The following RIMS2 variants were observed in gnomAD, a reference collection of about 807,000 sequenced individuals.
RIMS2 encodes the protein regulating synaptic membrane exocytosis 2.
RIMS2 carries 59 observed loss-of-function variants against 174.4 expected under a neutral mutation model. The observed-to-expected ratio is 0.34, with a 90% CI of 0.27 to 0.42. The LOEUF (loss-of-function observed/expected upper bound fraction) is 0.42, where lower values mean the gene tolerates loss of function less well. RIMS2 is among the 10% of genes least tolerant of loss of function. The pLI, the probability that RIMS2 is intolerant of heterozygous loss-of-function variation, is 1.00. For missense variants in RIMS2, 1,620 were observed against 1,666.3 expected, an observed-to-expected ratio of 0.97 and a Z score of 0.48; for synonymous variants, 606 against 572.5, an observed-to-expected ratio of 1.06 and a Z score of -0.84.
intron 3 of RIMS2, among the ~76,000 whole-genome samples, chr8:103,780,027 T>C (rs1473577091): frequency 6.6e-6 from 1 of 152,164 alleles, no homozygotes; most frequent in Non-Finnish European, 1.5e-5. Context: ...TTGGTTACCA[T>C]AGCTTTGTAG....
intron 2 of RIMS2, among the ~76,000 whole-genome samples, chr8:103,751,245 T>C (rs914701454): frequency 2.6e-5 from 4 of 152,076 alleles, no homozygotes; most frequent in Admixed American, 2.0e-4. Flanking sequence ...TGGTTTCCAG[T>C]TTCATCCATG....
chr8:104,022,813 C>A (rs562623485), intron 19 of RIMS2, among the ~76,000 whole-genome samples: 24 of 152,254 alleles, frequency 1.6e-4, no homozygotes, highest in African/African-American at 5.8e-4. Context: ...TTGTTTTTAT[C>A]ATTTATATGA....
intron 4 of RIMS2, among the ~76,000 whole-genome samples, chr8:103,904,174 T>C (rs1038177465): frequency 1.3e-5 from 2 of 152,150 alleles, no homozygotes; most frequent in Admixed American, 6.5e-5. Context: ...ATTTAGAGAA[T>C]GATATATGAA....
intron 19 of RIMS2, among the ~76,000 whole-genome samples, chr8:104,185,853 A>G (rs1159962419): frequency 7.3e-5 from 11 of 151,722 alleles, no homozygotes; most frequent in Admixed American, 6.6e-4. Context: ...TCGAATTACC[A>G]TTCAATCCAG....
intron 1 of RIMS2, among the ~76,000 whole-genome samples, chr8:103,523,920 A>G (rs1411748126): frequency 6.6e-6 from 1 of 152,172 alleles, no homozygotes; most frequent in African/African-American, 2.4e-5. Context: ...TATGAGTTAT[A>G]ATTCCTATTT....
At chr8:103,675,778 C>T (rs1426296) in intron 1 of RIMS2, among the ~76,000 whole-genome samples, 26,891 of 151,932 alleles carry the variant, frequency 0.18, 2,583 homozygotes, top group African/African-American at 0.24. Context: ...ATAACACATA[C>T]AGACTTGCAG....
intron 1 of RIMS2, among the ~76,000 whole-genome samples, chr8:103,640,940 A>C (rs951149374): frequency 3.3e-5 from 5 of 152,122 alleles, no homozygotes; most frequent in Non-Finnish European, 5.9e-5. Flanking sequence ...AATTATTGAT[A>C]GCTGTGTAAA....
intron 19 of RIMS2, among the ~76,000 whole-genome samples, chr8:104,137,848 C>T (rs952202819): frequency 6.6e-6 from 1 of 152,092 alleles, no homozygotes; most frequent in Non-Finnish European, 1.5e-5. Flanking sequence ...ACTACAGTCA[C>T]CCTGTTGTGC....
intron 17 of RIMS2, among the ~76,000 whole-genome samples, chr8:103,995,906 A>C (rs1182267293): frequency 1.3e-5 from 2 of 151,972 alleles, no homozygotes; most frequent in Non-Finnish European, 2.9e-5. Flanking sequence ...CATCAGAATA[A>C]GCAAGGCTTG....
intron 17 of RIMS2, among the ~76,000 whole-genome samples, chr8:103,998,494 T>C (rs1211272074): frequency 6.6e-6 from 1 of 151,748 alleles, no homozygotes; most frequent in African/African-American, 2.4e-5. Flanking sequence ...AAAAATTTAG[T>C]TCATCAGGAA....
chr8:103,585,415 A>G (rs769073532), intron 1 of RIMS2, among the ~76,000 whole-genome samples: 45 of 152,332 alleles, frequency 3.0e-4, no homozygotes, highest in Admixed American at 1.6e-3. Context: ...TCATTCTGCT[A>G]TAAAGACACA....
chr8:103,511,440 A>G (rs112712615), intron 1 of RIMS2, among the ~76,000 whole-genome samples: 136 of 152,346 alleles, frequency 8.9e-4, no homozygotes, highest in African/African-American at 3.1e-3. Context: ...TATTTCCACA[A>G]GAAGTAGTTT....
intron 20 of RIMS2, among the ~76,000 whole-genome samples, chr8:104,245,879 G>T (rs1243729318): frequency 6.6e-6 from 1 of 152,144 alleles, no homozygotes; most frequent in East Asian, 1.9e-4. Context: ...AGATATAACT[G>T]GTTTCTCTAC....
Position 103,559,056 on chromosome 8 carries a change from C to CTTTTTTTTTTTTTTT in RIMS2, c.176+58006_176+58007insTTTTTTTTTTTTTTT, listed in dbSNP as rs397952535. 71 of 99,052 alleles carry CTTTTTTTTTTTTTTT rather than the reference C, an allele frequency of 7.2e-4. 19 individuals carry two copies. Among genetic ancestry groups the CTTTTTTTTTTTTTTT allele is most frequent in the Middle Eastern group, 5.6e-3 (1 of 180 alleles). 6.1% of individuals were successfully genotyped at this position (99,052 alleles called of 1,614,324 possible). A position where few individuals can be genotyped will look rare whatever the true frequency, so the allele number is the denominator to read the frequency against. On this transcript the variant is annotated intron_variant, in intron 1 of 23. Transcript: ENST00000504942. Reference sequence around the variant, plus strand: ...TGGTGGCCTTTCAGATATTTTTTAACTTTTTTTTTTTTGCTCTCTGATCAT... The same window carrying CTTTTTTTTTTTTTTT: ...TGGTGGCCTTTCAGATATTTTTTAACTTTTTTTTTTTTTTTTTTTTTTTTTTTGCTCTCTGATCAT...
At chr8:103,758,041 G>C (rs2098049930) in intron 2 of RIMS2, among the ~76,000 whole-genome samples, 1 of 152,072 alleles carries the variant, frequency 6.6e-6, no homozygotes, top group African/African-American at 2.4e-5. Context: ...CACCAGTTTG[G>C]GGTAATTTGT....
At chr8:104,176,814 T>C (rs1243862244) in intron 19 of RIMS2, among the ~76,000 whole-genome samples, 2 of 152,048 alleles carry the variant, frequency 1.3e-5, no homozygotes, top group Non-Finnish European at 2.9e-5. Context: ...TTCTGTAAGC[T>C]ACAGAAGTTA....
At chr8:104,062,219 C>T (rs1200898545) in intron 19 of RIMS2, among the ~76,000 whole-genome samples, 1 of 152,060 alleles carries the variant, frequency 6.6e-6, no homozygotes. Context: ...TCCTGGCCAA[C>T]ATGGTGAACT....
At chr8:103,541,635 A>G (rs1563704395) in intron 1 of RIMS2, among the ~76,000 whole-genome samples, 1 of 152,258 alleles carries the variant, frequency 6.6e-6, no homozygotes, top group Non-Finnish European at 1.5e-5. Context: ...GGTAAAAGTA[A>G]GTACACAGTC....
chr8:103,793,403 A>G (rs567251104), intron 3 of RIMS2, among the ~76,000 whole-genome samples: 19 of 152,320 alleles, frequency 1.2e-4, no homozygotes, highest in African/African-American at 4.3e-4. Flanking sequence ...AAAACTCTCA[A>G]TAAACTAGGT....
Sources: allele counts gnomAD v4.1 joint callset (sites outside exome capture counted in the v4.1 genomes callset), GRCh38; gene constraint gnomAD v4.1.1; transcripts MANE v1.5; gene names NCBI Gene and HGNC (gene_info 2026-07-23, HGNC 2026-07-21).